PNP: variants seen among roughly 807,000 people sequenced by gnomAD.
PNP encodes purine nucleoside phosphorylase, also known as HEL-S-156an.
PNP carries 18 observed loss-of-function variants against 26.8 expected under a neutral mutation model. The observed-to-expected ratio is 0.67, with a 90% CI of 0.46 to 1.00. The LOEUF (loss-of-function observed/expected upper bound fraction) is 1.00, where lower values mean the gene tolerates loss of function less well. PNP is among the 50% of genes least tolerant of loss of function. The pLI is 0.00. For missense variants in PNP, 320 were observed against 362.9 expected, an observed-to-expected ratio of 0.88 and a Z score of 0.96; for synonymous variants, 116 against 124.8, an observed-to-expected ratio of 0.93 and a Z score of 0.47.
chr14:20,474,690 T>C, intron 3 of PNP, 83 bp from the exon 4 acceptor site: 2 of 1,570,386 alleles, frequency 1.3e-6, no homozygotes, highest in South Asian at 2.2e-5. Context: ...TCCTTCCTTT[T>C]CTTTCACGAT....
chr14:20,473,185 C>T (rs1461175146), intron 2 of PNP: 1 of 152,272 alleles, frequency 6.6e-6, no homozygotes, highest in Non-Finnish European at 1.5e-5. Context: ...TTGAGAATTT[C>T]TCAGCTCTTC....
intron 4 of PNP, 42 bp from the exon 5 acceptor site, chr14:20,475,020 T>C: frequency 1.2e-6 from 2 of 1,614,154 alleles, no homozygotes; most frequent in Non-Finnish European, 1.7e-6. Flanking sequence ...GGGAGAATTT[T>C]TAAAATTCCG....
At chr14:20,469,590 C>T in intron 1 of PNP, 55 bp downstream of exon 1, 6 of 1,551,502 alleles carry the variant, frequency 3.9e-6, no homozygotes, top group Middle Eastern at 3.4e-4. Context: ...TGCTGTGACC[C>T]GGGAACCTGG....
At chr14:20,472,939 G>C (rs752673602) in intron 2 of PNP, 1 of 209,582 alleles carries the variant, frequency 4.8e-6, no homozygotes, top group Non-Finnish European at 9.8e-6. Context: ...AGAGGGAGAA[G>C]GTGAGGGAAA....
intron 5 of PNP, among the ~76,000 whole-genome samples, chr14:20,475,516 G>A (rs557427217): frequency 3.9e-5 from 6 of 152,134 alleles, no homozygotes; most frequent in Non-Finnish European, 1.5e-5. Flanking sequence ...ACGGAATGTC[G>A]CTGTGTTGCC....
At chr14:20,476,229 C>T (rs1004100583) in intron 5 of PNP, among the ~76,000 whole-genome samples, 155 bp from the exon 6 acceptor site, 6 of 152,210 alleles carry the variant, frequency 3.9e-5, no homozygotes, top group Admixed American at 3.3e-4. Flanking sequence ...GCCTTGGCCT[C>T]CCAATGTACT....
At chr14:20,472,651 A>T in intron 2 of PNP, 174 bp downstream of exon 2, 1 of 705,566 alleles carries the variant, frequency 1.4e-6, no homozygotes, top group Non-Finnish European at 2.6e-6. Flanking sequence ...AGATGCCTCT[A>T]GCAGACATCC....
chr14:20,474,863 G>A lies in PNP; in HGVS notation c.376G>A (p.Val126Ile), dbSNP rs1368038713. 1.2e-6 allele frequency: 2 copies of A among 1,614,058 alleles called. No individual in the cohort carries two copies. Among genetic ancestry groups the A allele is most frequent in the Non-Finnish European group, 1.7e-6 (2 of 1,180,036 alleles). Residue 126 changes from valine to isoleucine, a missense_variant, in exon 4 of 6, where the codon GTT becomes ATT. Transcript: ENST00000361505. Reference protein sequence around the residue: ...AAGGLNPKFEVGDIMLIRDHI... With the variant: ...AAGGLNPKFEIGDIMLIRDHI... ...AGGAGGGCTGAACCCCAAGTTTGAG[G>A]TTGGAGATATCATGCTGATCCGTGA... is the stretch of plus-strand genomic sequence containing the variant.
rs771348622 is a variant in PNP at position 20,475,090 on chromosome 14, G to A, written c.490G>A (p.Asp164Asn). ...TGGAGATCGTTTCCCTGCCATGTCTGATGCCTACGACCGGACTATGAGGCA... is the reference window on the plus strand; with the variant it reads ...TGGAGATCGTTTCCCTGCCATGTCTAATGCCTACGACCGGACTATGAGGCA... Reference protein sequence around the residue: ...RFGDRFPAMSDAYDRTMRQRA... With the variant: ...RFGDRFPAMSNAYDRTMRQRA... The change falls in exon 5 of 6, where the codon GAT becomes AAT. Residue 164 changes from aspartate to asparagine, a missense_variant. Physicochemically the swap from Asp to Asn is conservative, Grantham distance 23. Coordinates refer to ENST00000361505, the MANE Select transcript of PNP (RefSeq NM_000270.4). 1.2e-6 allele frequency: 2 copies of A among 1,614,100 alleles called. No homozygotes were observed. Among genetic ancestry groups the A allele is most frequent in the African/African-American group, 2.7e-5 (2 of 74,924 alleles).
At position 20,477,030 on chromosome 14, in the gene PNP, T is replaced by C. The variant is rs2139340442; in HGVS notation, c.*429T>C. On this transcript the variant is annotated 3_prime_UTR_variant, in exon 6 of 6. Coordinates refer to ENST00000361505, the MANE Select transcript of PNP (RefSeq NM_000270.4). Reference sequence around the variant, plus strand: ...AGAGACCAAACAAGGACTAATCCAATACCTCTTGGATTTTATTTAATGTCA... The same window carrying C: ...AGAGACCAAACAAGGACTAATCCAACACCTCTTGGATTTTATTTAATGTCA... 1 of 252,570 alleles carries C rather than the reference T, an allele frequency of 4.0e-6. No homozygotes were observed. The highest frequency in any genetic ancestry group is 1.4e-3 in the Middle Eastern group (1 of 694). The allele number at this position is 252,570 out of a possible 1,614,324, so 15.6% of individuals were successfully genotyped here. A position where few individuals can be genotyped will look rare whatever the true frequency, so the allele number is the denominator to read the frequency against.
rs1327790635 is a variant in PNP at position 20,477,000 on chromosome 14, T to A, written c.*399T>A. The A allele has an allele frequency of 3.3e-6, 1 of 300,446 alleles. No homozygotes were observed. Among genetic ancestry groups the A allele is most frequent in the East Asian group, 8.1e-5 (1 of 12,360 alleles). The allele number at this position is 300,446 out of a possible 1,614,324, so 18.6% of individuals were successfully genotyped here. ...GGGGCTCAGTTCTGCCTTATCTAAA[T>A]CACCAGAGACCAAACAAGGACTAAT... is the stretch of plus-strand genomic sequence containing the variant. On this transcript the variant is annotated 3_prime_UTR_variant, in exon 6 of 6. Transcript: ENST00000361505.
At chr14:20,472,238 C>G in intron 1 of PNP, 70 bp from the exon 2 acceptor site, 1 of 1,391,564 alleles carries the variant, frequency 7.2e-7, no homozygotes, top group Non-Finnish European at 1.0e-6. Context: ...CCTTTTTGCA[C>G]CGAAGGTCAT....
chr14:20,476,149 A>T (rs977634854), intron 5 of PNP, among the ~76,000 whole-genome samples: 2 of 151,640 alleles, frequency 1.3e-5, no homozygotes, highest in Non-Finnish European at 2.9e-5. Context: ...AATTTTATTT[A>T]TTTTTTGAGC....
chr14:20,472,554 TG>T (rs1308675492), intron 2 of PNP, 77 bp downstream of exon 2: 2 of 1,319,634 alleles, frequency 1.5e-6, no homozygotes, highest in South Asian at 2.4e-5. Context: ...AGGAGGCCAA[TG>T]TTTCTACTCC....
chr14:20,475,304 T>A, intron 5 of PNP, 52 bp downstream of exon 5: 1 of 1,520,364 alleles, frequency 6.6e-7, no homozygotes, highest in Non-Finnish European at 9.0e-7. Flanking sequence ...TTTAGCAAAA[T>A]GGGAAGGGGA....
chr14:20,474,643 T>C, intron 3 of PNP, 68 bp downstream of exon 3: 2 of 1,530,968 alleles, frequency 1.3e-6, no homozygotes, highest in Non-Finnish European at 1.8e-6. Context: ...CCTCTTTCAC[T>C]ACCTAGCTAT....
At chr14:20,469,719 C>A (rs1043743406) in intron 1 of PNP, 184 bp downstream of exon 1, 1 of 792,676 alleles carries the variant, frequency 1.3e-6, no homozygotes, top group South Asian at 1.6e-5. Flanking sequence ...CCAGCGCGGG[C>A]AGGGACGCAC....
Position 20,474,903 on chromosome 14 carries a change from C to T in PNP, c.416C>T (p.Pro139Leu), listed in dbSNP as rs1419897943. ...CTGATCCGTGACCATATCAACCTAC[C>T]TGGTTTCAGTGGTCAGAACCCTCTC... is the stretch of plus-strand genomic sequence containing the variant. ...IMLIRDHINL[P>L]GFSGQNPLRG... Residue 139 changes from proline (P) to leucine (L), a missense_variant, in exon 4 of 6, where the codon CCT becomes CTT. Coordinates refer to ENST00000361505, the MANE Select transcript of PNP (RefSeq NM_000270.4). 1 of 1,614,112 alleles carries T rather than the reference C, an allele frequency of 6.2e-7. No homozygotes were observed. The highest frequency in any genetic ancestry group is 8.5e-7 in the Non-Finnish European group (1 of 1,180,020).
At chr14:20,471,642 C>A (rs1881990843) in intron 1 of PNP, among the ~76,000 whole-genome samples, 1 of 152,056 alleles carries the variant, frequency 6.6e-6, no homozygotes, top group South Asian at 2.1e-4. Flanking sequence ...GGCACGTAGA[C>A]CTCTACCAGG....
Sources: gnomAD v4.1 joint callset for allele counts (sites outside exome capture counted in the v4.1 genomes callset) on GRCh38, gnomAD v4.1.1 for gene constraint, MANE v1.5 for transcripts, NCBI Gene and HGNC (gene_info 2026-07-23, HGNC 2026-07-21) for gene names.